SPRY4: variants seen among roughly 807,000 people sequenced by gnomAD.
SPRY4 encodes sprouty RTK signaling antagonist 4, also known as protein sprouty homolog 4.
SPRY4 carries 7 observed loss-of-function variants against 17.0 expected under a neutral mutation model. The observed-to-expected ratio is 0.41, with a 90% confidence interval of 0.23 to 0.77. The LOEUF (loss-of-function observed/expected upper bound fraction) is 0.77, where lower values mean the gene tolerates loss of function less well. SPRY4 is among the 30% of genes least tolerant of loss of function. The pLI is 0.32. For synonymous variants in SPRY4, 183 were observed against 174.1 expected, an observed-to-expected ratio of 1.05 and a Z score of -0.40; for missense variants, 435 against 419.9, an observed-to-expected ratio of 1.04 and a Z score of -0.31.
rs751535545 is a variant in SPRY4 at position 142,314,870 on chromosome 5, C to A, written c.239G>T (p.Arg80Leu). ...GAPELAPTPA[R>L]CDQDVTHHWI... ...ATGGTGGGTGACATCCTGGTCACAG[C>A]GGGCGGGCGTCGGGGCCAGCTCTGG... Residue 80 changes from arginine to leucine, a missense_variant, in exon 2 of 2, where the codon CGC becomes CTC. Transcript: ENST00000434127. This position sits in a 1 kb window ranked among gnomAD's most constrained non-coding sequence, Gnocchi z 4.8. The A allele has an allele frequency of 1.9e-6, 3 of 1,594,564 alleles. No individual in the cohort carries two copies. Among genetic ancestry groups the A allele is most frequent in the Non-Finnish European group, 8.6e-7 (1 of 1,168,412 alleles).
At chr5:142,319,225 G>A (rs1759263229) in intron 1 of SPRY4, among the ~76,000 whole-genome samples, 1 of 152,180 alleles carries the variant, frequency 6.6e-6, no homozygotes, top group South Asian at 2.1e-4. Flanking sequence ...ACATCCTGGG[G>A]CTCTGCAATG....
At chr5:142,318,379 G>C (rs1048290558) in intron 1 of SPRY4, among the ~76,000 whole-genome samples, 2 of 151,950 alleles carry the variant, frequency 1.3e-5, no homozygotes, top group African/African-American at 2.4e-5. Flanking sequence ...CCAGTTACTT[G>C]GGAGGCTGAG....
At chr5:142,316,189 G>C (rs187426430) in intron 1 of SPRY4, among the ~76,000 whole-genome samples, 4 of 152,050 alleles carry the variant, frequency 2.6e-5, no homozygotes, top group Admixed American at 6.6e-5. Flanking sequence ...GCCAACCCTG[G>C]ATCAGTTTCT....
intron 1 of SPRY4, chr5:142,317,426 CG>C (rs896218371): frequency 2.0e-6 from 2 of 985,232 alleles, no homozygotes; most frequent in Admixed American, 6.2e-5. Context: ...CCCTCACCCC[CG>C]GACAATGATA....
Position 142,311,110 on chromosome 5 carries a change from T to C in SPRY4, c.*3099A>G, listed in dbSNP as rs2126979194. Reference sequence around the variant, plus strand: ...TGAAAAGAACTAGCCATGTCTTCCATCTCAGCTCTGAGGGGGTGCGTACCA... The same window carrying C: ...TGAAAAGAACTAGCCATGTCTTCCACCTCAGCTCTGAGGGGGTGCGTACCA... On this transcript the variant is annotated 3_prime_UTR_variant, in exon 2 of 2. Transcript: ENST00000434127. The C allele has an allele frequency of 6.6e-6, 1 of 152,318 alleles. No individual in the cohort carries two copies. Among genetic ancestry groups the C allele is most frequent in the Non-Finnish European group, 1.5e-5 (1 of 68,048 alleles). 9.4% of individuals were successfully genotyped at this position (152,318 alleles called of 1,614,324 possible).
chr5:142,319,770 C>T (rs1305494138), intron 1 of SPRY4: 1 of 1,612,362 alleles, frequency 6.2e-7, no homozygotes, highest in African/African-American at 1.3e-5. Context: ...GAGCATCAGG[C>T]TGCAAACCGC....
At chr5:142,318,331 C>T (rs1424543450) in intron 1 of SPRY4, 2 of 268,658 alleles carry the variant, frequency 7.4e-6, no homozygotes, top group Non-Finnish European at 1.1e-5. Context: ...ACTAAAAATA[C>T]AAAAATTAGC....
chr5:142,321,030 T>A (rs1341168671), intron 1 of SPRY4, among the ~76,000 whole-genome samples: 2 of 152,196 alleles, frequency 1.3e-5, no homozygotes, highest in African/African-American at 4.8e-5. Flanking sequence ...AGAACAATCA[T>A]GATCACAGCT....
At chr5:142,322,277 C>CCTGG (rs1389341901) in intron 1 of SPRY4, among the ~76,000 whole-genome samples, 5 of 152,168 alleles carry the variant, frequency 3.3e-5, no homozygotes, top group African/African-American at 1.2e-4. Context: ...TCGAGACCAG[C>CCTGG]CTAGCCAACA....
intron 1 of SPRY4, chr5:142,324,113 C>T (rs1424907976): frequency 6.6e-6 from 1 of 152,306 alleles, no homozygotes; most frequent in African/African-American, 2.4e-5. Context: ...ACAGGGTGGC[C>T]GAGGAGCCTC....
At chr5:142,320,032 G>A (rs1201442703) in intron 1 of SPRY4, among the ~76,000 whole-genome samples, 1 of 152,192 alleles carries the variant, frequency 6.6e-6, no homozygotes, top group African/African-American at 2.4e-5. Context: ...TTTCAGTGAA[G>A]GCTGTTTAAC....
At chr5:142,317,491 A>G (rs1759194941) in intron 1 of SPRY4, 1 of 985,418 alleles carries the variant, frequency 1.0e-6, no homozygotes, top group South Asian at 4.7e-5. Context: ...GGTCCTGCCA[A>G]CACAATGTAG....
chr5:142,317,802 G>A (rs184297550), intron 1 of SPRY4: 2 of 985,316 alleles, frequency 2.0e-6, no homozygotes, highest in Admixed American at 6.1e-5. Context: ...AGGCAATGGG[G>A]ATGTTGGCAT....
In SPRY4 at chr5:142,311,963, TAC is replaced by T. The variant is rs1758935342; in HGVS notation, c.*2244_*2245del. On this transcript the variant is annotated 3_prime_UTR_variant, in exon 2 of 2. Coordinates refer to ENST00000434127, the MANE Select transcript of SPRY4 (RefSeq NM_001127496.3). ...GTGTGTGTGTGTGTGTGTGTGTGTA[TAC>T]ACAGCTTATGTAAATCGACTCTCCA... 6.6e-6 allele frequency: 1 copy of T among 152,538 alleles called. No homozygotes were observed. Among genetic ancestry groups the T allele is most frequent in the Non-Finnish European group, 1.5e-5 (1 of 68,226 alleles). 9.4% of individuals were successfully genotyped at this position (152,538 alleles called of 1,614,324 possible).
At chr5:142,318,143 C>CCTCA (rs1184119390) in intron 1 of SPRY4, 1 of 984,798 alleles carries the variant, frequency 1.0e-6, no homozygotes, top group Non-Finnish European at 1.2e-6. Context: ...TTTAAGAACC[C>CCTCA]CTCAGCACAG....
Position 142,314,501 on chromosome 5 carries a change from A to G in SPRY4, c.608T>C (p.Val203Ala), listed in dbSNP as rs1393844588. 2 of 1,614,188 alleles carry G rather than the reference A, an allele frequency of 1.2e-6. No individual in the cohort carries two copies. Among genetic ancestry groups the G allele is most frequent in the South Asian group, 1.1e-5 (1 of 91,082 alleles). Residue 203 changes from valine (V) to alanine (A), a missense_variant, in exon 2 of 2, where the codon GTG (valine) becomes GCG (alanine). Coordinates refer to ENST00000434127, the MANE Select transcript of SPRY4 (RefSeq NM_001127496.3). The surrounding 1 kb of genome is among the most constrained non-coding windows in gnomAD (Gnocchi z 4.8). ...LVNYGTCMCLVQGIFYHCTNE... is the reference protein window; with the variant it reads ...LVNYGTCMCLAQGIFYHCTNE... ...CGTGCAGTGGTAGAAGATGCCCTGC[A>G]CCAAACACATGCACGTGCCATAGTT... is the stretch of plus-strand genomic sequence containing the variant.
At chr5:142,321,600 A>C (rs1759346672) in intron 1 of SPRY4, among the ~76,000 whole-genome samples, 2 of 152,338 alleles carry the variant, frequency 1.3e-5, no homozygotes, top group South Asian at 4.1e-4. Flanking sequence ...CCAAATTTTC[A>C]ACTTTGTCTC....
chr5:142,320,361 A>C (rs1217229089), intron 1 of SPRY4, among the ~76,000 whole-genome samples: 1 of 151,954 alleles, frequency 6.6e-6, no homozygotes, highest in Non-Finnish European at 1.5e-5. Context: ...CAGCACTAAG[A>C]AGCTCACCTC....
intron 1 of SPRY4, among the ~76,000 whole-genome samples, chr5:142,322,644 T>G (rs1759385106): frequency 6.6e-6 from 1 of 151,952 alleles, no homozygotes; most frequent in Admixed American, 6.6e-5. Context: ...GAAAAGGTCA[T>G]GGAGCTGGGC....
Sources: gnomAD v4.1 joint callset for allele counts (sites outside exome capture counted in the v4.1 genomes callset) on GRCh38, gnomAD v4.1.1 for gene constraint, Gnocchi (gnomAD v3.1) non-coding constraint, MANE v1.5 for transcripts, NCBI Gene and HGNC (gene_info 2026-07-23, HGNC 2026-07-21) for gene names.